FANCA: variants seen among roughly 807,000 people sequenced by gnomAD.
FANCA encodes the protein Fanconi anemia group A protein.
FANCA carries 236 observed loss-of-function variants against 194.3 expected under a neutral mutation model. The observed-to-expected ratio is 1.21, with a 90% CI of 1.09 to 1.35. The LOEUF (loss-of-function observed/expected upper bound fraction) is 1.35. Among genes scored for constraint, FANCA ranks in the 40% most tolerant of loss-of-function variants. FANCA has a pLI of 0.00. For missense variants in FANCA, 2,628 were observed against 1,813.9 expected (o/e 1.45, Z -8.15); for synonymous variants, 1,014 against 715.8 (o/e 1.42, Z -6.65).
intron 26 of FANCA, among the ~76,000 whole-genome samples, chr16:89,768,468 C>T (rs958780976): frequency 2.6e-5 from 4 of 152,080 alleles, no homozygotes; most frequent in African/African-American, 7.2e-5. Flanking sequence ...CCAGCCTGGC[C>T]AACATGGCAA....
Position 89,779,969 on chromosome 16 carries a change from A to T in FANCA, c.1627-12T>A, listed in dbSNP as rs1458169962. 1 of 1,612,822 alleles carries T rather than the reference A, an allele frequency of 6.2e-7. No individual in the cohort carries two copies. The highest frequency in any genetic ancestry group is 8.5e-7 in the Non-Finnish European group (1 of 1,178,792). Reference sequence around the variant, plus strand: ...GCTTGGCTGTGGGGCTGGTTCCCATACAGGGAGGAAAGGAAAAAGAACAGA... The same window carrying T: ...GCTTGGCTGTGGGGCTGGTTCCCATTCAGGGAGGAAAGGAAAAAGAACAGA... On this transcript the variant is annotated splice_polypyrimidine_tract_variant and intron_variant, in intron 17 of 42. Coordinates refer to ENST00000389301, the MANE Select transcript of FANCA (RefSeq NM_000135.4).
At chr16:89,774,565 C>T (rs2039430578) in intron 21 of FANCA, among the ~76,000 whole-genome samples, 1 of 151,204 alleles carries the variant, frequency 6.6e-6, no homozygotes, top group South Asian at 2.1e-4. Context: ...CCTGTCTCTA[C>T]TAAAAACACA....
At chr16:89,753,218 G>A (rs1481248542) in intron 30 of FANCA, among the ~76,000 whole-genome samples, 5 of 152,162 alleles carry the variant, frequency 3.3e-5, no homozygotes, top group Admixed American at 2.0e-4. Flanking sequence ...TGTGACCCAC[G>A]TGACCTTACC....
At chr16:89,750,137 C>A (rs2038533683) in intron 31 of FANCA, among the ~76,000 whole-genome samples, 1 of 151,806 alleles carries the variant, frequency 6.6e-6, no homozygotes, top group Non-Finnish European at 1.5e-5. Flanking sequence ...CCGAGGCAGG[C>A]AGATTCCTTG....
intron 27 of FANCA, among the ~76,000 whole-genome samples, chr16:89,766,462 C>T (rs1416749405): frequency 3.9e-5 from 6 of 152,066 alleles, no homozygotes; most frequent in Non-Finnish European, 8.8e-5. Flanking sequence ...GTAATCCCAG[C>T]ACTTTGGGAG....
At chr16:89,769,810 AGACGC>A in intron 26 of FANCA, 22 bp downstream of exon 26, 1 of 1,612,872 alleles carries the variant, frequency 6.2e-7, no homozygotes, top group Non-Finnish European at 8.5e-7. Context: ...AGAGGAGAGA[AGACGC>A]GACTGTGGAA....
chr16:89,798,665 C>A, intron 10 of FANCA: 1 of 1,254,502 alleles, frequency 8.0e-7, no homozygotes, highest in Non-Finnish European at 1.0e-6. Context: ...GGTCTCCGCA[C>A]ATCTCCACAG....
chr16:89,807,274 T>C (rs931700455), intron 6 of FANCA, among the ~76,000 whole-genome samples: 2 of 146,806 alleles, frequency 1.4e-5, no homozygotes, highest in African/African-American at 2.6e-5. Context: ...CTAGCCAACA[T>C]GGTGAAACCC....
intron 6 of FANCA, among the ~76,000 whole-genome samples, chr16:89,806,226 T>C (rs993811822): frequency 1.3e-5 from 2 of 152,186 alleles, no homozygotes; most frequent in Non-Finnish European, 2.9e-5. Context: ...GCCTGAACCT[T>C]ATGCTGTATC....
rs756768736 is a variant in FANCA at position 89,796,034 on chromosome 16, A to G, written c.894-16T>C. 6.2e-7 allele frequency: 1 copy of G among 1,603,112 alleles called. No individual in the cohort carries two copies. Among genetic ancestry groups the G allele is most frequent in the Admixed American group, 1.7e-5 (1 of 60,028 alleles). On this transcript the variant is annotated splice_polypyrimidine_tract_variant and intron_variant, in intron 10 of 42. Transcript: ENST00000389301. Reference sequence around the variant, plus strand: ...CACTCCGAACCTGCCAATGCAGCAGAAAGAGGGGTCAGGAAAGGGAGGGTG... The same window carrying G: ...CACTCCGAACCTGCCAATGCAGCAGGAAGAGGGGTCAGGAAAGGGAGGGTG...
intron 6 of FANCA, among the ~76,000 whole-genome samples, chr16:89,806,765 A>G (rs138804614): frequency 0.011 from 1,636 of 152,358 alleles, 15 homozygotes; most frequent in South Asian, 0.048. Flanking sequence ...ACACAGACAC[A>G]GCAACCATCT....
In FANCA at chr16:89,796,031, C is replaced by G; in HGVS notation, c.894-13G>C. ...GAACACTCCGAACCTGCCAATGCAG[C>G]AGAAAGAGGGGTCAGGAAAGGGAGG... On this transcript the variant is annotated splice_polypyrimidine_tract_variant and intron_variant, in intron 10 of 42. Coordinates refer to ENST00000389301, the MANE Select transcript of FANCA (RefSeq NM_000135.4). 1 of 1,605,076 alleles carries G rather than the reference C, an allele frequency of 6.2e-7. No homozygotes were observed. Among genetic ancestry groups the G allele is most frequent in the Non-Finnish European group, 8.5e-7 (1 of 1,171,838 alleles).
At chr16:89,740,551 G>A in intron 38 of FANCA, 1 of 532,756 alleles carries the variant, frequency 1.9e-6, no homozygotes, top group Non-Finnish European at 3.3e-6. Context: ...CAGGAGAATT[G>A]CTTGAACCCA....
intron 3 of FANCA, 37 bp downstream of exon 3, chr16:89,814,483 T>G (rs1422328578): frequency 6.9e-7 from 1 of 1,454,904 alleles, no homozygotes; most frequent in Non-Finnish European, 9.6e-7. Flanking sequence ...AAAACCCTTC[T>G]GCAATTCAAA....
intron 31 of FANCA, 56 bp from the exon 32 acceptor site, chr16:89,749,958 G>A: frequency 6.3e-7 from 1 of 1,599,454 alleles, no homozygotes; most frequent in Non-Finnish European, 8.6e-7. Flanking sequence ...TGCCCAGCCA[G>A]TCGGGGACCC....
At chr16:89,814,111 G>A (rs1388289682) in intron 3 of FANCA, among the ~76,000 whole-genome samples, 2 of 152,290 alleles carry the variant, frequency 1.3e-5, no homozygotes, top group East Asian at 1.9e-4. Flanking sequence ...ATAACTTACT[G>A]TTGTTGACCC....
In FANCA at chr16:89,739,090, T is replaced by C. The variant is rs377636161; in HGVS notation, c.4167+43A>G. Reference sequence around the variant, plus strand: ...TTCTTTGGCAGAAGGAGCCTCCGGCTGGGGGGAGCTCCCCTGGAGGTGGGA... The same window carrying C: ...TTCTTTGGCAGAAGGAGCCTCCGGCCGGGGGGAGCTCCCCTGGAGGTGGGA... On this transcript the variant is annotated intron_variant, in intron 41 of 42. Transcript: ENST00000389301. The C allele has an allele frequency of 5.6e-6, 9 of 1,613,870 alleles. No individual in the cohort carries two copies. In the South Asian group the frequency reaches 8.8e-5, roughly 16 times the overall value.
Position 89,767,619 on chromosome 16 carries a change from G to A in FANCA, c.2505-382C>T, listed in dbSNP as rs200316297. ...GCCGGAGTAGAGTGGTGCGATTTCG[G>A]CTCACTGCACCCTCCACCTCCCAGG... On this transcript the variant is annotated intron_variant, in intron 26 of 42. Transcript: ENST00000389301. Among the ~76,000 whole-genome samples the A allele has an allele frequency of 7.2e-5, 11 of 152,236 alleles. No homozygotes were observed. The East Asian group carries it at 2.1e-3, about 29-fold the overall frequency.
chr16:89,787,117 T>C (rs1020373606), intron 14 of FANCA, among the ~76,000 whole-genome samples: 2 of 152,206 alleles, frequency 1.3e-5, no homozygotes, highest in Non-Finnish European at 2.9e-5. Flanking sequence ...GGCAGTTCTG[T>C]TTGCTATTTT....
Sources: allele counts gnomAD v4.1 joint callset (sites outside exome capture counted in the v4.1 genomes callset), GRCh38; gene constraint gnomAD v4.1.1; transcripts MANE v1.5; gene names NCBI Gene and HGNC (gene_info 2026-07-23, HGNC 2026-07-21).